KAZN: variants seen among roughly 807,000 people sequenced by gnomAD.
KAZN encodes the protein kazrin.
A neutral mutation model predicts 87.4 loss-of-function variants in KAZN; 40 were observed. The observed-to-expected ratio is 0.46, with a 90% confidence interval of 0.36 to 0.60. The LOEUF is 0.60. KAZN is among the 20% of genes least tolerant of loss of function. The probability of loss-of-function intolerance (pLI) is 0.00; values close to 1 mark genes in which losing one functional copy is unlikely to be tolerated. For synonymous variants in KAZN, 466 were observed against 458.3 expected, an observed-to-expected ratio of 1.02 and a Z score of -0.22; for missense variants, 898 against 1,073.9, an observed-to-expected ratio of 0.84 and a Z score of 2.29.
chr1:14,299,880 G>A (rs1341856630), intron 2 of KAZN, among the ~76,000 whole-genome samples: 1 of 152,194 alleles, frequency 6.6e-6, no homozygotes, highest in Non-Finnish European at 1.5e-5. Context: ...GGAAAGGAGA[G>A]AAAATACTCA....
intron 1 of KAZN, chr1:14,924,489 A>G: frequency 1.0e-6 from 1 of 995,098 alleles, no homozygotes; most frequent in Non-Finnish European, 1.2e-6. Flanking sequence ...GCCTGCGAGC[A>G]GTGCGTGGAC....
At position 14,707,862 on chromosome 1, in the gene KAZN, C is replaced by T. The variant is rs756949098; in HGVS notation, c.226+108639C>T. Among the ~76,000 whole-genome samples the T allele has an allele frequency of 2.0e-5, 3 of 152,268 alleles. No individual in the cohort carries two copies. The East Asian group carries it at 5.8e-4, about 29-fold the overall frequency. Reference sequence around the variant, plus strand: ...CTTTAATTAAATATAATTTATCCAGCGTTTACCAATGCTACATGCCAAGCA... The same window carrying T: ...CTTTAATTAAATATAATTTATCCAGTGTTTACCAATGCTACATGCCAAGCA... On this transcript the variant is annotated intron_variant, in intron 1 of 14. Coordinates refer to ENST00000376030, the MANE Select transcript of KAZN (RefSeq NM_201628.3).
At chr1:14,232,418 A>G (rs1262260507) in intron 2 of KAZN, among the ~76,000 whole-genome samples, 1 of 152,112 alleles carries the variant, frequency 6.6e-6, no homozygotes, top group African/African-American at 2.4e-5. Flanking sequence ...TCCAGCCCCT[A>G]TTGCCTAGTA....
chr1:14,529,197 G>T (rs534238980), intron 2 of KAZN, among the ~76,000 whole-genome samples: 1 of 152,234 alleles, frequency 6.6e-6, no homozygotes, highest in South Asian at 2.1e-4. Context: ...CCAGCTACTT[G>T]GGAGGTTGAG....
At chr1:14,601,484 T>A (rs929834894) in intron 1 of KAZN, among the ~76,000 whole-genome samples, 11 of 152,168 alleles carry the variant, frequency 7.2e-5, no homozygotes, top group African/African-American at 2.7e-4. Context: ...TGTTTTTGTT[T>A]TTTTCATAGC....
chr1:14,431,249 C>T (rs751227860), intron 2 of KAZN, among the ~76,000 whole-genome samples: 3 of 152,164 alleles, frequency 2.0e-5, no homozygotes, highest in Non-Finnish European at 4.4e-5. Flanking sequence ...GACAATTTCT[C>T]ATTTAATCCT....
At chr1:14,595,604 C>G (rs1258622438), upstream of KAZN, among the ~76,000 whole-genome samples, 1 of 150,498 alleles carries the variant, frequency 6.6e-6, no homozygotes, top group Non-Finnish European at 1.5e-5. Flanking sequence ...TCCCTTGAAC[C>G]CAGGAGGCGG....
chr1:14,749,488 C>T (rs560884088), intron 1 of KAZN, among the ~76,000 whole-genome samples: 2 of 152,280 alleles, frequency 1.3e-5, no homozygotes, highest in African/African-American at 2.4e-5. Flanking sequence ...GCTTCAGTTC[C>T]ACACAAGGAG....
chr1:14,419,286 A>T (rs1665140832), intron 2 of KAZN, among the ~76,000 whole-genome samples: 1 of 152,190 alleles, frequency 6.6e-6, no homozygotes, highest in South Asian at 2.1e-4. Flanking sequence ...CAAAGTCATA[A>T]AGCGCAAAAG....
rs573772956 is a variant in KAZN at position 14,735,608 on chromosome 1, C to G, written c.226+136385C>G. Among the ~76,000 whole-genome samples the G allele has an allele frequency of 2.9e-4, 44 of 152,300 alleles. No homozygotes were observed. The highest frequency in any genetic ancestry group is 1.1e-3 in the African/African-American group (44 of 41,568). The stretch of plus-strand genomic sequence containing the variant: ...ACATGGCAGCCCCCCACGCTGAGAT[C>G]CATATACCCAAACATCAGCGAGGCT... On this transcript the variant is annotated intron_variant, in intron 1 of 14. Coordinates refer to ENST00000376030, the MANE Select transcript of KAZN (RefSeq NM_201628.3). This position sits in a 1 kb window ranked among gnomAD's most constrained non-coding sequence, Gnocchi z 4.3.
intron 2 of KAZN, among the ~76,000 whole-genome samples, chr1:14,973,060 C>T (rs1394267845): frequency 2.0e-5 from 3 of 152,116 alleles, no homozygotes; most frequent in Admixed American, 1.3e-4. Context: ...CCTGCCTTTA[C>T]AGTTGGGGAA....
intron 1 of KAZN, among the ~76,000 whole-genome samples, chr1:14,908,181 T>G (rs902345666): frequency 2.0e-5 from 3 of 152,142 alleles, no homozygotes; most frequent in Non-Finnish European, 4.4e-5. Context: ...GAGGATCGCT[T>G]GAGGCCAGGA....
At chr1:14,375,310 T>C (rs889999734) in intron 2 of KAZN, among the ~76,000 whole-genome samples, 9 of 152,172 alleles carry the variant, frequency 5.9e-5, no homozygotes, top group Non-Finnish European at 1.0e-4. Context: ...CCAGGTATGC[T>C]AGACACCTAG....
At chr1:14,309,703 G>A (rs1051554999) in intron 2 of KAZN, among the ~76,000 whole-genome samples, 1 of 152,080 alleles carries the variant, frequency 6.6e-6, no homozygotes, top group Non-Finnish European at 1.5e-5. Flanking sequence ...AGGGACCACA[G>A]GCACACACCA....
chr1:14,890,308 G>A (rs1220504585), intron 1 of KAZN, among the ~76,000 whole-genome samples: 2 of 152,160 alleles, frequency 1.3e-5, no homozygotes, highest in Non-Finnish European at 2.9e-5. Context: ...TCTCAGCTGT[G>A]TGCAAAGCCC....
At chr1:13,973,835 A>G (rs376936138) in intron 1 of KAZN, among the ~76,000 whole-genome samples, 1 of 152,300 alleles carries the variant, frequency 6.6e-6, no homozygotes, top group South Asian at 2.1e-4. Context: ...CTCAAATACC[A>G]TCTCTCTGAG....
intron 1 of KAZN, among the ~76,000 whole-genome samples, chr1:13,901,912 C>A (rs1183676262): frequency 6.6e-6 from 1 of 152,234 alleles, no homozygotes; most frequent in Non-Finnish European, 1.5e-5. Flanking sequence ...ATGTTTGCTC[C>A]CTTTCCTTGG....
chr1:15,103,073 G>A (rs181314383), intron 11 of KAZN, among the ~76,000 whole-genome samples: 2 of 152,320 alleles, frequency 1.3e-5, no homozygotes, highest in Admixed American at 1.3e-4. Context: ...GACCAGCCTG[G>A]CCAACATGGT....
intron 2 of KAZN, among the ~76,000 whole-genome samples, chr1:14,320,603 C>T (rs1377980971): frequency 6.6e-6 from 1 of 152,214 alleles, no homozygotes; most frequent in East Asian, 1.9e-4. Context: ...TAAAGGGGGA[C>T]GTCAGCCATA....
Sources: gnomAD v4.1 joint callset for allele counts (sites outside exome capture counted in the v4.1 genomes callset) on GRCh38, gnomAD v4.1.1 for gene constraint, Gnocchi (gnomAD v3.1) non-coding constraint, MANE v1.5 for transcripts, NCBI Gene and HGNC (gene_info 2026-07-23, HGNC 2026-07-21) for gene names.